Variants in RPH3AL observed in about 807,000 individuals in gnomAD.
The protein encoded by RPH3AL is rab effector Noc2.
In RPH3AL, 38 loss-of-function variants were observed where a neutral mutation model predicts 43.1. That is an observed-to-expected ratio of 0.88 (90% CI 0.68 to 1.15). The LOEUF (loss-of-function observed/expected upper bound fraction) is 1.15, where lower values mean the gene tolerates loss of function less well. Among genes scored for constraint, RPH3AL ranks in the 50% most tolerant of loss-of-function variants. The probability of loss-of-function intolerance (pLI) is 0.00; values close to 1 mark genes in which losing one functional copy is unlikely to be tolerated. For synonymous variants in RPH3AL, 189 were observed against 176.3 expected (o/e 1.07, Z -0.57); for missense variants, 462 against 423.2 (o/e 1.09, Z -0.81).
intron 6 of RPH3AL, among the ~76,000 whole-genome samples, chr17:276,271 T>C (rs983686487): frequency 1.3e-5 from 2 of 152,254 alleles, no homozygotes; most frequent in Admixed American, 6.5e-5. Flanking sequence ...AGATCTCTCA[T>C]TTTTAGGGAT....
chr17:272,932 A>ATCAGGGAGAGACCCCAGCGAGGGCGACG (rs2042512257), intron 6 of RPH3AL, among the ~76,000 whole-genome samples: 3 of 128,046 alleles, frequency 2.3e-5, no homozygotes, highest in Admixed American at 8.0e-5. Flanking sequence ...CAAGGGCGAC[A>ATCAGGGAGAGACCCCAGCGAGGGCGACG]TCAGGGAGAG....
At chr17:257,586 G>A (rs140558667) in intron 6 of RPH3AL, among the ~76,000 whole-genome samples, 328 of 21,430 alleles carry the variant, frequency 0.015, 22 homozygotes, top group African/African-American at 0.022. Context: ...TACTTCCTAT[G>A]AGGGGAGCTG....
chr17:263,330 CAG>C (rs2042244668), intron 6 of RPH3AL, among the ~76,000 whole-genome samples: 3 of 152,128 alleles, frequency 2.0e-5, no homozygotes, highest in Non-Finnish European at 2.9e-5. Flanking sequence ...CATCAGGGGA[CAG>C]AGGGGAAGCA....
Position 274,554 on chromosome 17 carries a change from G to A in RPH3AL, c.438+7214C>T, listed in dbSNP as rs1176602651. Among the ~76,000 whole-genome samples the A allele has an allele frequency of 6.6e-6, 1 of 152,248 alleles. No individual in the cohort carries two copies. The highest frequency in any genetic ancestry group is 1.5e-5 in the Non-Finnish European group (1 of 68,044). On this transcript the variant is annotated intron_variant, in intron 6 of 9. Transcript: ENST00000331302. The surrounding 1 kb of genome is among the most constrained non-coding windows in gnomAD (Gnocchi z 4.7). Reference sequence around the variant, plus strand: ...TATTTCCTGAAGCAAGGCTGCATCTGGGAGAGCAGGGAGAGCAGGAAGAGC... The same window carrying A: ...TATTTCCTGAAGCAAGGCTGCATCTAGGAGAGCAGGGAGAGCAGGAAGAGC...
At chr17:284,119 C>T (rs1186612588) in intron 5 of RPH3AL, among the ~76,000 whole-genome samples, 3 of 152,212 alleles carry the variant, frequency 2.0e-5, no homozygotes, top group Admixed American at 1.3e-4. Context: ...ATGCAGAGTG[C>T]CCTGCCCTGC....
intron 8 of RPH3AL, among the ~76,000 whole-genome samples, chr17:217,917 A>G (rs1268928182): frequency 7.8e-5 from 9 of 115,102 alleles, no homozygotes; most frequent in Non-Finnish European, 1.5e-4. Context: ...TGGGGCAGTT[A>G]TTATGGAGCC....
At chr17:248,251 C>T (rs1249263585) in intron 6 of RPH3AL, among the ~76,000 whole-genome samples, 3 of 152,224 alleles carry the variant, frequency 2.0e-5, no homozygotes, top group Admixed American at 2.0e-4. Context: ...ATGTTTGTCA[C>T]TGCCCCTCGG....
intron 7 of RPH3AL, among the ~76,000 whole-genome samples, chr17:230,906 G>A (rs1351726032): frequency 6.6e-6 from 1 of 152,040 alleles, no homozygotes; most frequent in Admixed American, 6.6e-5. Context: ...GGTTGGTCTC[G>A]AACTCCTGGG....
At chr17:309,411 G>T (rs541763522) in intron 5 of RPH3AL, among the ~76,000 whole-genome samples, 1 of 151,742 alleles carries the variant, frequency 6.6e-6, no homozygotes, top group Admixed American at 6.6e-5. Context: ...CCTGCCCAGG[G>T]CTCCTGCCAG....
Position 307,493 on chromosome 17 carries a change from C to G in RPH3AL, c.351+11927G>C, listed in dbSNP as rs372117881. 3.3e-5 allele frequency among the ~76,000 whole-genome samples: 5 copies of G among 152,350 alleles called. 1 individual carries two copies. Among genetic ancestry groups the G allele is most frequent in the East Asian group, 1.9e-4 (1 of 5,188 alleles). On this transcript the variant is annotated intron_variant, in intron 5 of 9. Transcript: ENST00000331302. ...CCTGCCTTCTACTTCTACAGCACTC[C>G]TCACACTGCACTGCAATAGCTGACA...
At chr17:286,913 T>TCTCTCTCCACCATCAGACCTCACACC (rs1555557623) in intron 5 of RPH3AL, among the ~76,000 whole-genome samples, 2 of 92,222 alleles carry the variant, frequency 2.2e-5, no homozygotes, top group African/African-American at 3.9e-5. Flanking sequence ...CCTCGCACCC[T>TCTCTCTCCACCATCAGACCTCACACC]CTCTCTCCAC....
rs2040771506 is a variant in RPH3AL at position 215,383 on chromosome 17, C to G, written c.876+271G>C. On this transcript the variant is annotated intron_variant, in intron 9 of 9. Coordinates refer to ENST00000331302, the MANE Select transcript of RPH3AL (RefSeq NM_006987.4). This position sits in a 1 kb window ranked among gnomAD's most constrained non-coding sequence, Gnocchi z 4.1. ...AGAATGAAAGTTCGCCCCAGGGGAG[C>G]CCGACACGTTTTATGTAGCAGAGGA... 6.6e-6 allele frequency among the ~76,000 whole-genome samples: 1 copy of G among 152,188 alleles called. No individual in the cohort carries two copies. Among genetic ancestry groups the G allele is most frequent in the Admixed American group, 6.5e-5 (1 of 15,288 alleles).
intron 6 of RPH3AL, among the ~76,000 whole-genome samples, chr17:271,252 A>G (rs2042456500): frequency 6.6e-6 from 1 of 152,182 alleles, no homozygotes; most frequent in Non-Finnish European, 1.5e-5. Context: ...TTGACTTGGC[A>G]ATGCGGGCTC....
intron 5 of RPH3AL, among the ~76,000 whole-genome samples, chr17:299,531 C>A (rs1448658480): frequency 1.3e-5 from 2 of 152,200 alleles, no homozygotes; most frequent in Non-Finnish European, 2.9e-5. Flanking sequence ...AAGAGCTGCC[C>A]CCCGTGTCCT....
intron 6 of RPH3AL, among the ~76,000 whole-genome samples, chr17:278,242 G>C (rs1180178913): frequency 6.6e-6 from 1 of 152,158 alleles, no homozygotes; most frequent in Non-Finnish European, 1.5e-5. Flanking sequence ...CCTTTCACTT[G>C]GTCTCATTCT....
At chr17:321,014 A>G (rs1226204068) in intron 4 of RPH3AL, among the ~76,000 whole-genome samples, 1 of 152,092 alleles carries the variant, frequency 6.6e-6, no homozygotes, top group African/African-American at 2.4e-5. Flanking sequence ...AGGCTCATTC[A>G]CGCCCTCAGC....
At position 345,333 on chromosome 17, in the gene RPH3AL, A is replaced by G. The variant is rs116586652; in HGVS notation, c.-213+7379T>C. Among the ~76,000 whole-genome samples the G allele has an allele frequency of 7.1e-3, 969 of 135,576 alleles. 132 individuals are homozygous for G. The highest frequency in any genetic ancestry group is 0.023 in the African/African-American group (925 of 39,604). 88.9% of individuals were successfully genotyped at this position (135,576 alleles called of 152,430 possible). ...AAATCCCATCTGCAAAGGTGGCAGT[A>G]GCTGGCAAGTCTACAGCCACTGCTG... On this transcript the variant is annotated intron_variant, in intron 1 of 9. Transcript: ENST00000331302.
At chr17:319,614 C>T in intron 4 of RPH3AL, 65 bp from the exon 5 acceptor site, 1 of 1,585,404 alleles carries the variant, frequency 6.3e-7, no homozygotes. Flanking sequence ...GCACTGAGGC[C>T]CGAAACCGTA....
chr17:279,538 G>A (rs761974058), intron 6 of RPH3AL, among the ~76,000 whole-genome samples: 6 of 152,292 alleles, frequency 3.9e-5, no homozygotes, highest in East Asian at 1.9e-4. Context: ...AGACAGGCTG[G>A]TGGTAGCTCA....
Sources: gnomAD v4.1 joint callset for allele counts (sites outside exome capture counted in the v4.1 genomes callset) on GRCh38, gnomAD v4.1.1 for gene constraint, Gnocchi (gnomAD v3.1) non-coding constraint, MANE v1.5 for transcripts, NCBI Gene and HGNC (gene_info 2026-07-23, HGNC 2026-07-21) for gene names.